The following PIEZO2 variants were observed in gnomAD, a reference collection of about 807,000 sequenced individuals.
PIEZO2 encodes piezo-type mechanosensitive ion channel component 2.
PIEZO2 carries 172 observed loss-of-function variants against 337.3 expected under a neutral mutation model. That is an observed-to-expected ratio of 0.51 (90% CI 0.45 to 0.58). The LOEUF is 0.58. Ranked by LOEUF, PIEZO2 falls within the 20% of genes least tolerant of loss-of-function variation. The pLI is 0.00. For synonymous variants in PIEZO2, 1,251 were observed against 1,228.5 expected (o/e 1.02, Z -0.38); for missense variants, 3,028 against 3,391.3 (o/e 0.89, Z 2.66).
At chr18:10,730,729 C>T (rs1177790081) in intron 36 of PIEZO2, among the ~76,000 whole-genome samples, 1 of 151,966 alleles carries the variant, frequency 6.6e-6, no homozygotes, top group Non-Finnish European at 1.5e-5. Flanking sequence ...TTCTTATTGG[C>T]TATTTATTTA....
intron 29 of PIEZO2, among the ~76,000 whole-genome samples, chr18:10,749,814 G>A (rs940996409): frequency 2.6e-4 from 40 of 152,128 alleles, no homozygotes; most frequent in African/African-American, 9.7e-4. Context: ...CAAAAAGTCC[G>A]GGGAGTTACT....
In PIEZO2 at chr18:10,807,403, T is replaced by G. The variant is rs192786645; in HGVS notation, c.918-129A>C. ...GGTTGATCCGTTCTATTGTAGATAT[T>G]TCAATTACCCTTCTGTATACGTAAT... is the stretch of plus-strand genomic sequence containing the variant. On this transcript the variant is annotated intron_variant, in intron 7 of 55. Transcript: ENST00000674853. 1,160 of 760,020 alleles carry G rather than the reference T, an allele frequency of 1.5e-3. 4 individuals are homozygous for G. The highest frequency in any genetic ancestry group is 1.7e-3 in the Non-Finnish European group (814 of 489,788). The allele number at this position is 760,020 out of a possible 1,614,324, so 47.1% of individuals were successfully genotyped here. A position where few individuals can be genotyped will look rare whatever the true frequency, so the allele number is the denominator to read the frequency against.
intron 17 of PIEZO2, among the ~76,000 whole-genome samples, chr18:10,782,211 TTATA>T (rs1027276989): frequency 2.2e-5 from 3 of 134,072 alleles, no homozygotes; most frequent in African/African-American, 5.6e-5. Flanking sequence ...TATCATATAA[TTATA>T]TATATCATAA....
At chr18:10,721,910 T>C (rs140745866) in intron 36 of PIEZO2, among the ~76,000 whole-genome samples, 6,962 of 152,112 alleles carry the variant, frequency 0.046, 526 homozygotes, top group African/African-American at 0.16. Flanking sequence ...AATCCCAGCA[T>C]TTTGGGAGAC....
intron 3 of PIEZO2, among the ~76,000 whole-genome samples, chr18:10,936,868 T>C (rs763404108): frequency 6.6e-5 from 10 of 152,222 alleles, no homozygotes; most frequent in African/African-American, 1.2e-4. Flanking sequence ...CTGGCAGGAA[T>C]CCTGCAGTGA....
chr18:10,721,754 G>A (rs1315253559), intron 36 of PIEZO2, among the ~76,000 whole-genome samples: 12 of 152,106 alleles, frequency 7.9e-5, no homozygotes, highest in Admixed American at 7.2e-4. Context: ...GACAAATGAG[G>A]CATTTAAATC....
chr18:11,007,787 T>C lies in PIEZO2; in HGVS notation c.161-28127A>G, dbSNP rs532424243. ...CTTCTGTATCTAGCAAAACTATCCT[T>C]TGAAAATGAAGGCAAATGTAAATAT... On this transcript the variant is annotated intron_variant, in intron 2 of 55. Coordinates refer to ENST00000674853, the MANE Select transcript of PIEZO2 (RefSeq NM_001378183.1). 9.2e-5 allele frequency among the ~76,000 whole-genome samples: 14 copies of C among 152,178 alleles called. No homozygotes were observed. The South Asian group carries it at 2.1e-3, about 23-fold the overall frequency.
chr18:10,711,952 T>C (rs2143847272), intron 39 of PIEZO2, among the ~76,000 whole-genome samples: 1 of 150,558 alleles, frequency 6.6e-6, no homozygotes, highest in South Asian at 2.1e-4. Flanking sequence ...CTGAGAGCAG[T>C]GGGATGCGTG....
chr18:10,782,311 A>ATATAATATATTATAATTATATAAATAAT (rs2039025792), intron 17 of PIEZO2, among the ~76,000 whole-genome samples: 1 of 76,144 alleles, frequency 1.3e-5, no homozygotes, highest in African/African-American at 5.0e-5. Context: ...ATAAATAATT[A>ATATAATATATTATAATTATATAAATAAT]TATAATATAT....
rs150545165 is a variant in PIEZO2, at chr18:10,763,049, G to A, written c.2996C>T (p.Pro999Leu). The stretch of plus-strand genomic sequence containing the variant: ...AGCCAGACGGCGCAGCTTGGCGTAC[G>A]GCAGAGCAAAAGCCCAAGAAATCAA... Reference protein sequence around the residue: ...VFLISWAFALPYAKLRRLASS... With the variant: ...VFLISWAFALLYAKLRRLASS... The change falls in exon 22 of 56, where the codon CCG becomes CTG. Residue 999 changes from proline (P) to leucine (L), a missense_variant. Around this residue, in one of 5 missense-constraint regions of PIEZO2, gnomAD observed 1,925 missense variants for 2,051.9 expected, o/e 0.94. Transcript: ENST00000674853. 81 of 1,537,318 alleles carry A rather than the reference G, an allele frequency of 5.3e-5. No homozygotes were observed. The East Asian group carries it at 1.9e-3, about 35-fold the overall frequency.
intron 39 of PIEZO2, among the ~76,000 whole-genome samples, chr18:10,708,654 T>C (rs1380742995): frequency 6.6e-6 from 1 of 152,016 alleles, no homozygotes; most frequent in Non-Finnish European, 1.5e-5. Context: ...AAAAAACATA[T>C]TGGCTAGTGA....
chr18:10,815,328 G>C lies in PIEZO2; in HGVS notation c.918-8054C>G, dbSNP rs145714493. Among the ~76,000 whole-genome samples the C allele has an allele frequency of 6.6e-6, 1 of 152,108 alleles. No homozygotes were observed. On this transcript the variant is annotated intron_variant, in intron 7 of 55. Coordinates refer to ENST00000674853, the MANE Select transcript of PIEZO2 (RefSeq NM_001378183.1). The surrounding 1 kb of genome is among the most constrained non-coding windows in gnomAD (Gnocchi z 4.1). ...AGAATGGTGATCCAGACATGGATTC[G>C]AGCCCTGCCTGAATGATTACCTACG... is the stretch of plus-strand genomic sequence containing the variant.
At position 11,111,905 on chromosome 18, in the gene PIEZO2, G is replaced by A. The variant is rs1052512455; in HGVS notation, c.64+36620C>T. On this transcript the variant is annotated intron_variant, in intron 1 of 55. Transcript: ENST00000674853. This position sits in a 1 kb window ranked among gnomAD's most constrained non-coding sequence, Gnocchi z 6.2. ...TCAAATAACAATGTGTCTCTTTTAA[G>A]ATAAAACACAAGATCTCAAAGAAAC... Among the ~76,000 whole-genome samples the A allele has an allele frequency of 7.9e-5, 12 of 152,174 alleles. No individual in the cohort carries two copies. The highest frequency in any genetic ancestry group is 1.0e-4 in the Non-Finnish European group (7 of 68,024).
rs1163851848 is a variant in PIEZO2, at chr18:10,877,743, T to C, written c.330-6328A>G. On this transcript the variant is annotated intron_variant, in intron 4 of 55. Transcript: ENST00000674853. This position sits in a 1 kb window ranked among gnomAD's most constrained non-coding sequence, Gnocchi z 5.3. ...TCTGCCAGCCAGGCCTCCACATTAA[T>C]ATCAGAGTTTAGTTTTTAGCAGCAT... 1.3e-5 allele frequency among the ~76,000 whole-genome samples: 2 copies of C among 152,126 alleles called. No homozygotes were observed. The highest frequency in any genetic ancestry group is 4.8e-5 in the African/African-American group (2 of 41,420).
chr18:10,797,508 C>T lies in PIEZO2; in HGVS notation c.1393G>A (p.Glu465Lys), dbSNP rs1383443423. ...SDESSEKREE[E>K]EEEKEEFEEE... ...TCAAATTCTTCTTTCTCTTCCTCTT[C>T]CTCCTCTCGCTTTTCTAGATGGACG... The change falls in exon 12 of 56, where the codon GAA becomes AAA. Residue 465 changes from glutamate (E) to lysine (K), a missense_variant. Glu to Lys is a moderately conservative substitution (Grantham distance 56). Around this residue, in one of 5 missense-constraint regions of PIEZO2, gnomAD observed 542 missense variants for 605.6 expected, o/e 0.89. Coordinates refer to ENST00000674853, the MANE Select transcript of PIEZO2 (RefSeq NM_001378183.1). 7.2e-6 allele frequency: 11 copies of T among 1,536,794 alleles called. No individual in the cohort carries two copies. The East Asian group carries it at 2.7e-4, about 38-fold the overall frequency.
chr18:11,042,310 G>A (rs907584152), intron 2 of PIEZO2, among the ~76,000 whole-genome samples: 1 of 152,224 alleles, frequency 6.6e-6, no homozygotes, highest in African/African-American at 2.4e-5. Flanking sequence ...AGCTGTCACA[G>A]CTCAGTCACA....
chr18:11,108,538 C>T (rs1005201122), intron 1 of PIEZO2, among the ~76,000 whole-genome samples: 12 of 146,188 alleles, frequency 8.2e-5, no homozygotes, highest in East Asian at 4.1e-4. Context: ...GGCTTGAACC[C>T]GGGAGGCGGA....
intron 2 of PIEZO2, among the ~76,000 whole-genome samples, chr18:11,024,897 CCAA>C (rs1330188452): frequency 1.3e-5 from 2 of 151,530 alleles, no homozygotes; most frequent in African/African-American, 4.8e-5. Context: ...CCGTGGCCTC[CCAA>C]AGTGCTGGAA....
chr18:10,773,415 A>C lies in PIEZO2; in HGVS notation c.2782T>G (p.Ser928Ala). Residue 928 changes from serine (S) to alanine (A), a missense_variant, in exon 20 of 56, where the codon TCA (serine) becomes GCA (alanine). Ser to Ala is a moderately conservative substitution (Grantham distance 99). Coordinates refer to ENST00000674853, the MANE Select transcript of PIEZO2 (RefSeq NM_001378183.1). The surrounding 1 kb of genome is among the most constrained non-coding windows in gnomAD (Gnocchi z 5.3). Reference protein sequence around the residue: ...EEESEEEEETSDLRNKWHLVI... With the variant: ...EEESEEEEETADLRNKWHLVI... ...CTGCTGGTAGTGGGCTGATTACCTG[A>C]TGTTTCTTCCTCCTCCTCGGATTCC... 6.5e-7 allele frequency: 1 copy of C among 1,537,180 alleles called. No homozygotes were observed. Among genetic ancestry groups the C allele is most frequent in the Non-Finnish European group, 8.7e-7 (1 of 1,146,930 alleles).
Sources: gnomAD v4.1 joint callset for allele counts (sites outside exome capture counted in the v4.1 genomes callset) on GRCh38, gnomAD v4.1.1 for gene constraint, gnomAD v4.1.1 regional missense constraint, Gnocchi (gnomAD v3.1) non-coding constraint, MANE v1.5 for transcripts, NCBI Gene and HGNC (gene_info 2026-07-23, HGNC 2026-07-21) for gene names.